WDR41: variants seen among roughly 807,000 people sequenced by gnomAD.
The protein encoded by WDR41 is WD repeat-containing protein 41.
Under a neutral mutation model 69.3 loss-of-function variants are expected in WDR41, and 63 were observed. The ratio of observed to expected loss-of-function variants is 0.91; its 90% CI spans 0.74 to 1.12. The LOEUF is 1.12. Ranked by LOEUF, WDR41 falls within the 50% of genes most tolerant of loss-of-function variation. The probability of loss-of-function intolerance (pLI) is 0.00; values close to 1 mark genes in which losing one functional copy is unlikely to be tolerated. For missense variants in WDR41, 543 were observed against 534.5 expected (o/e 1.02, Z -0.16); for synonymous variants, 185 against 192.1 (o/e 0.96, Z 0.31).
chr5:77,563,073 C>G (rs973507334), intron 1 of WDR41, among the ~76,000 whole-genome samples: 1 of 152,116 alleles, frequency 6.6e-6, no homozygotes, highest in South Asian at 2.1e-4. Context: ...CAAACATCTC[C>G]TTCCCTAGCG....
intron 1 of WDR41, among the ~76,000 whole-genome samples, chr5:77,518,913 C>T (rs973450989): frequency 5.9e-5 from 9 of 152,054 alleles, no homozygotes; most frequent in East Asian, 1.9e-4. Flanking sequence ...ATTTTCTTTG[C>T]GACCTCCAAT....
chr5:77,561,294 T>C (rs1369925407), intron 1 of WDR41, among the ~76,000 whole-genome samples: 1 of 152,194 alleles, frequency 6.6e-6, no homozygotes, highest in African/African-American at 2.4e-5. Context: ...AAGTTTTTCA[T>C]TTTGTGAAGC....
At chr5:77,449,310 G>C (rs1473138303) in intron 8 of WDR41, among the ~76,000 whole-genome samples, 2 of 152,196 alleles carry the variant, frequency 1.3e-5, no homozygotes, top group African/African-American at 4.8e-5. Context: ...TTCTTTGAGA[G>C]TCTTCAACCA....
At chr5:77,502,237 T>C (rs1371018075) in intron 1 of WDR41, among the ~76,000 whole-genome samples, 1 of 151,944 alleles carries the variant, frequency 6.6e-6, no homozygotes, top group African/African-American at 2.4e-5. Context: ...CAAGCTTCAA[T>C]AGCCAATTCA....
Position 77,437,435 on chromosome 5 carries a change from A to T in WDR41, c.1005-11T>A. 6.2e-7 allele frequency: 1 copy of T among 1,611,956 alleles called. No homozygotes were observed. Among genetic ancestry groups the T allele is most frequent in the Admixed American group, 1.7e-5 (1 of 60,020 alleles). ...CATGAGATTAACTGCCTGTCAGAAC[A>T]GAAAATCAGTAATACAAAAAGAGCG... On this transcript the variant is annotated splice_polypyrimidine_tract_variant and intron_variant, in intron 10 of 12. Coordinates refer to ENST00000296679, the MANE Select transcript of WDR41 (RefSeq NM_018268.4).
rs995977998 is a variant in WDR41, at chr5:77,432,456, A to T, written c.*679T>A. On this transcript the variant is annotated 3_prime_UTR_variant, in exon 13 of 13. Transcript: ENST00000296679. ...GTGCCTCTCAAATGATCTAGAGCTC[A>T]TCCTTGGCGTACATGAGGGGCAGTT... The T allele has an allele frequency of 4.6e-5, 7 of 152,538 alleles. No homozygotes were observed. The highest frequency in any genetic ancestry group is 8.8e-5 in the Non-Finnish European group (6 of 68,028). The allele number at this position is 152,538 out of a possible 1,614,324, so 9.4% of individuals were successfully genotyped here.
Position 77,464,795 on chromosome 5 carries a change from C to T in WDR41, c.182G>A (p.Gly61Asp), listed in dbSNP as rs389319. The change falls in exon 3 of 13, where the codon GGT becomes GAT. Residue 61 changes from glycine (G) to aspartate (D), a missense_variant. Physicochemically the swap from Gly to Asp is moderately conservative, Grantham distance 94. Transcript: ENST00000296679. ...QLDDYRFASA[G>D]DDGIVVVWNA... is the part of the protein sequence containing the mutation. ...CCACACAACTACAATTCCATCATCA[C>T]CAGCAGATGCAAATCTGGTTAGGGA... 7,254 of 1,613,110 alleles carry T rather than the reference C, an allele frequency of 4.5e-3. 29 individuals carry two copies. The highest frequency in any genetic ancestry group is 5.6e-3 in the Non-Finnish European group (6,638 of 1,179,758).
intron 1 of WDR41, among the ~76,000 whole-genome samples, chr5:77,561,345 T>G (rs1743520201): frequency 6.6e-6 from 1 of 152,198 alleles, no homozygotes. Flanking sequence ...TCCAGTTTAC[T>G]TTGCTTGGCT....
intron 1 of WDR41, among the ~76,000 whole-genome samples, chr5:77,580,502 C>T (rs1743916021): frequency 6.6e-6 from 1 of 151,964 alleles, no homozygotes; most frequent in South Asian, 2.1e-4. Context: ...GGTGGGGACA[C>T]AGAGCCAAAC....
At chr5:77,596,349 T>G (rs1490513405) in intron 1 of WDR41, among the ~76,000 whole-genome samples, 1 of 152,150 alleles carries the variant, frequency 6.6e-6, no homozygotes, top group African/African-American at 2.4e-5. Context: ...GGTTTCACCA[T>G]GTTGGCCAGG....
intron 3 of WDR41, among the ~76,000 whole-genome samples, chr5:77,464,507 A>T (rs1001238997): frequency 6.6e-6 from 1 of 151,958 alleles, no homozygotes; most frequent in African/African-American, 2.4e-5. Context: ...TTGGCCTCCC[A>T]AAGTCCTGGG....
chr5:77,543,020 A>G (rs911994040), intron 1 of WDR41, among the ~76,000 whole-genome samples: 1 of 152,186 alleles, frequency 6.6e-6, no homozygotes, highest in Admixed American at 6.5e-5. Flanking sequence ...AGAGCCTGGT[A>G]GACTTGCTGG....
chr5:77,531,140 C>T (rs1260895338), intron 1 of WDR41, among the ~76,000 whole-genome samples: 2 of 151,688 alleles, frequency 1.3e-5, no homozygotes, highest in Non-Finnish European at 3.0e-5. Context: ...ATAACAGCAA[C>T]ACAAATAGGT....
intron 2 of WDR41, among the ~76,000 whole-genome samples, chr5:77,472,421 C>T (rs1355320138): frequency 6.6e-6 from 1 of 150,510 alleles, no homozygotes; most frequent in African/African-American, 2.5e-5. Flanking sequence ...AAGTTCTGGC[C>T]AGGGCAATTA....
chr5:77,469,249 G>A (rs951820472), intron 2 of WDR41, among the ~76,000 whole-genome samples: 1 of 152,096 alleles, frequency 6.6e-6, no homozygotes, highest in Admixed American at 6.5e-5. Context: ...TCGTGGGGTG[G>A]GGGTAGGGGG....
chr5:77,483,403 T>C (rs1451874470), intron 2 of WDR41, among the ~76,000 whole-genome samples: 1 of 151,910 alleles, frequency 6.6e-6, no homozygotes, highest in African/African-American at 2.4e-5. Context: ...CCTCCCAAAG[T>C]GTTAGGATTA....
intron 8 of WDR41, among the ~76,000 whole-genome samples, chr5:77,445,128 C>T (rs1799327618): frequency 6.6e-6 from 1 of 152,142 alleles, no homozygotes. Flanking sequence ...GAAATACAAA[C>T]TACCATCAGA....
chr5:77,562,468 T>C (rs978939032), intron 1 of WDR41, among the ~76,000 whole-genome samples: 2 of 152,348 alleles, frequency 1.3e-5, no homozygotes, highest in African/African-American at 4.8e-5. Context: ...CAAATACCGA[T>C]AATATATCTT....
intron 9 of WDR41, 71 bp downstream of exon 9, chr5:77,440,742 A>T: frequency 6.8e-7 from 1 of 1,462,758 alleles, no homozygotes; most frequent in Non-Finnish European, 9.4e-7. Flanking sequence ...ACATGGGATT[A>T]AATTTTTAAA....
Sources: allele counts gnomAD v4.1 joint callset (sites outside exome capture counted in the v4.1 genomes callset), GRCh38; gene constraint gnomAD v4.1.1; transcripts MANE v1.5; gene names NCBI Gene and HGNC (gene_info 2026-07-23, HGNC 2026-07-21).